GAS7: variants seen among roughly 807,000 people sequenced by gnomAD.
The protein encoded by GAS7 is growth arrest-specific protein 7.
A neutral mutation model predicts 71.1 loss-of-function variants in GAS7; 28 were observed. That is an observed-to-expected ratio of 0.39 (90% CI 0.29 to 0.54). GAS7 has a LOEUF of 0.54. Ranked by LOEUF, GAS7 falls within the 20% of genes least tolerant of loss-of-function variation. The probability of loss-of-function intolerance (pLI) is 0.62; values close to 1 mark genes in which losing one functional copy is unlikely to be tolerated. For synonymous variants in GAS7, 258 were observed against 245.8 expected, an observed-to-expected ratio of 1.05 and a Z score of -0.46; for missense variants, 436 against 627.8, an observed-to-expected ratio of 0.69 and a Z score of 3.27.
At chr17:10,146,141 AGCACCAAG>A (rs1414848147) in intron 1 of GAS7, among the ~76,000 whole-genome samples, 1 of 152,220 alleles carries the variant, frequency 6.6e-6, no homozygotes, top group Admixed American at 6.5e-5. Flanking sequence ...GTCCACATCG[AGCACCAAG>A]GCACCCTGAA....
At chr17:10,196,438 G>C (rs529565802) in intron 1 of GAS7, among the ~76,000 whole-genome samples, 2 of 152,318 alleles carry the variant, frequency 1.3e-5, no homozygotes, top group Admixed American at 6.5e-5. Context: ...TCTGTTGCAA[G>C]TTACTAGTCA....
At chr17:10,048,754 T>C (rs8072957) in intron 1 of GAS7, among the ~76,000 whole-genome samples, 27,000 of 152,104 alleles carry the variant, frequency 0.18, 2,482 homozygotes, top group East Asian at 0.27. Flanking sequence ...GAAGACACCA[T>C]CTCCTTACCC....
intron 2 of GAS7, among the ~76,000 whole-genome samples, chr17:10,012,097 T>C (rs1455095873): frequency 6.6e-6 from 1 of 152,100 alleles, no homozygotes; most frequent in Non-Finnish European, 1.5e-5. Flanking sequence ...AAGTAAAATC[T>C]TGACTAATAC....
rs1327154142 is a variant in GAS7 at position 9,910,659 on chromosome 17, C to T, written c.*6569G>A. 2.0e-5 allele frequency: 4 copies of T among 203,264 alleles called. No individual in the cohort carries two copies. The highest frequency in any genetic ancestry group is 3.0e-5 in the Non-Finnish European group (3 of 98,948). 12.6% of individuals were successfully genotyped at this position (203,264 alleles called of 1,614,324 possible). A position where few individuals can be genotyped will look rare whatever the true frequency, so the allele number is the denominator to read the frequency against. On this transcript the variant is annotated 3_prime_UTR_variant, in exon 14 of 14. Transcript: ENST00000432992. ...ATGCAGGACAACTGTATATAGCAAA[C>T]GCCTTCAAAATTTAAACTCTTTAAA...
chr17:10,072,503 T>G (rs768651262), intron 1 of GAS7, among the ~76,000 whole-genome samples: 19 of 152,168 alleles, frequency 1.2e-4, no homozygotes, highest in Non-Finnish European at 2.8e-4. Context: ...CAAGACTCTG[T>G]GTAGAGAAGA....
intron 4 of GAS7, among the ~76,000 whole-genome samples, chr17:9,964,068 A>T (rs2069608296): frequency 6.6e-6 from 1 of 152,086 alleles, no homozygotes; most frequent in Admixed American, 6.5e-5. Context: ...AAGGTTTGCA[A>T]ATGCCTATAA....
At chr17:10,094,895 G>A (rs750422900) in intron 1 of GAS7, among the ~76,000 whole-genome samples, 9 of 152,146 alleles carry the variant, frequency 5.9e-5, no homozygotes, top group African/African-American at 9.7e-5. Context: ...TTATCATCCC[G>A]TCTTTTAACA....
At chr17:10,051,912 A>G (rs1408520304) in intron 1 of GAS7, among the ~76,000 whole-genome samples, 1 of 152,170 alleles carries the variant, frequency 6.6e-6, no homozygotes, top group Admixed American at 6.5e-5. Flanking sequence ...TTATCTCACC[A>G]TTAGATCTTA....
At chr17:10,186,896 A>C (rs903369776) in intron 1 of GAS7, among the ~76,000 whole-genome samples, 13 of 152,134 alleles carry the variant, frequency 8.5e-5, no homozygotes, top group Non-Finnish European at 1.9e-4. Flanking sequence ...TCCAAAAAAA[A>C]ACAGAAACCA....
chr17:10,194,858 CA>C (rs5819269), intron 1 of GAS7, among the ~76,000 whole-genome samples: 625 of 85,034 alleles, frequency 7.3e-3, no homozygotes, highest in African/African-American at 0.02. Flanking sequence ...GACTCTGTCT[CA>C]AAAAAAAAAA....
chr17:10,194,709 C>T (rs896239856), intron 1 of GAS7, among the ~76,000 whole-genome samples: 1 of 152,108 alleles, frequency 6.6e-6, no homozygotes, highest in Non-Finnish European at 1.5e-5. Context: ...CACAGTGGCT[C>T]ACGCCTGTAA....
chr17:10,146,122 G>A (rs1423652118), intron 1 of GAS7, among the ~76,000 whole-genome samples: 17 of 152,134 alleles, frequency 1.1e-4, no homozygotes. Context: ...CAAACTCGGG[G>A]GTAAAACTGT....
At chr17:10,153,723 G>A (rs1410826836) in intron 1 of GAS7, among the ~76,000 whole-genome samples, 1 of 152,040 alleles carries the variant, frequency 6.6e-6, no homozygotes, top group Non-Finnish European at 1.5e-5. Flanking sequence ...CCATTTTACA[G>A]ATGAGGAAAT....
At chr17:9,978,924 T>C (rs945623444) in intron 3 of GAS7, among the ~76,000 whole-genome samples, 1 of 152,044 alleles carries the variant, frequency 6.6e-6, no homozygotes, top group Non-Finnish European at 1.5e-5. Context: ...GGCCAGGTGA[T>C]TCTTTGTTGT....
Position 10,160,975 on chromosome 17 carries a change from C to G in GAS7, c.183+37233G>C, listed in dbSNP as rs574633461. Among the ~76,000 whole-genome samples the G allele has an allele frequency of 1.8e-3, 267 of 150,330 alleles. 2 individuals carry two copies. Among genetic ancestry groups the G allele is most frequent in the Admixed American group, 3.5e-3 (53 of 15,086 alleles). On this transcript the variant is annotated intron_variant, in intron 1 of 13. Coordinates refer to ENST00000432992, the MANE Select transcript of GAS7 (RefSeq NM_201433.2). The stretch of plus-strand genomic sequence containing the variant: ...ACACACACACACACACACACACACA[C>G]ACAGACGAAGGCATGGCAGTATTTA...
chr17:9,935,342 TC>T (rs2068361616), intron 8 of GAS7, among the ~76,000 whole-genome samples: 2 of 152,180 alleles, frequency 1.3e-5, no homozygotes, highest in Non-Finnish European at 2.9e-5. Flanking sequence ...TCTCCTGAAG[TC>T]CCTAAGACTT....
chr17:10,149,775 A>G (rs527972733), intron 1 of GAS7, among the ~76,000 whole-genome samples: 1 of 152,370 alleles, frequency 6.6e-6, no homozygotes, highest in Admixed American at 6.5e-5. Context: ...AAAGGAATGA[A>G]GTGCTGATGC....
chr17:10,121,038 G>A (rs1030823164), intron 1 of GAS7, among the ~76,000 whole-genome samples: 5 of 152,232 alleles, frequency 3.3e-5, no homozygotes, highest in South Asian at 2.1e-4. Context: ...TCCTCTCTAC[G>A]GGCTGGGGTG....
intron 1 of GAS7, among the ~76,000 whole-genome samples, chr17:10,032,059 G>A (rs1392218367): frequency 6.8e-6 from 1 of 146,522 alleles, no homozygotes; most frequent in Non-Finnish European, 1.5e-5. Flanking sequence ...AATAACAAGG[G>A]AAGCAGGGAC....
Sources: allele counts gnomAD v4.1 joint callset (sites outside exome capture counted in the v4.1 genomes callset), GRCh38; gene constraint gnomAD v4.1.1; transcripts MANE v1.5; gene names NCBI Gene and HGNC (gene_info 2026-07-23, HGNC 2026-07-21).